NRG1: variants seen among roughly 807,000 people sequenced by gnomAD.
The protein encoded by NRG1 is neuregulin 1.
In NRG1, 18 loss-of-function variants were observed where a neutral mutation model predicts 63.8. That is an observed-to-expected ratio of 0.28 (90% confidence interval 0.19 to 0.42). NRG1 has a LOEUF of 0.42. Ranked by LOEUF, NRG1 falls within the 10% of genes least tolerant of loss-of-function variation. The pLI, the probability that NRG1 is intolerant of heterozygous loss-of-function variation, is 1.00. For missense variants in NRG1, 762 were observed against 814.7 expected (o/e 0.94, Z 0.79); for synonymous variants, 302 against 301.3 (o/e 1.00, Z -0.02).
At chr8:32,525,228 G>A (rs894413991) in intron 1 of NRG1, among the ~76,000 whole-genome samples, 7 of 152,244 alleles carry the variant, frequency 4.6e-5, no homozygotes, top group Non-Finnish European at 8.8e-5. Context: ...TGAAAAAGAC[G>A]CAAGCAATGC....
intron 1 of NRG1, among the ~76,000 whole-genome samples, chr8:31,939,470 A>T (rs1801422166): frequency 6.6e-6 from 1 of 152,088 alleles, no homozygotes; most frequent in Non-Finnish European, 1.5e-5. Context: ...TTAAAGCATA[A>T]ATCTCACAGT....
intron 1 of NRG1, among the ~76,000 whole-genome samples, chr8:31,984,419 T>A (rs559897984): frequency 3.3e-5 from 5 of 152,230 alleles, no homozygotes; most frequent in Admixed American, 6.6e-5. Context: ...AATTTCGAAA[T>A]GCTGGCAAGT....
chr8:32,138,525 C>T (rs1429460940), intron 1 of NRG1, among the ~76,000 whole-genome samples: 3 of 151,874 alleles, frequency 2.0e-5, no homozygotes, highest in Non-Finnish European at 4.4e-5. Context: ...TCAGAGCACA[C>T]GCAAGCTCCT....
chr8:32,031,355 A>T (rs895255558), intron 1 of NRG1, among the ~76,000 whole-genome samples: 1 of 152,176 alleles, frequency 6.6e-6, no homozygotes, highest in Non-Finnish European at 1.5e-5. Flanking sequence ...GGGATGATGC[A>T]GGCAGCTGCT....
At chr8:31,923,167 T>C (rs1834052783) in intron 1 of NRG1, among the ~76,000 whole-genome samples, 1 of 152,168 alleles carries the variant, frequency 6.6e-6, no homozygotes, top group Admixed American at 6.5e-5. Flanking sequence ...TAAAAAACAG[T>C]TTTTTTCTAT....
chr8:32,760,991 G>T (rs186418684), intron 11 of NRG1: 1 of 985,934 alleles, frequency 1.0e-6, no homozygotes, highest in Non-Finnish European at 1.2e-6. Context: ...TGGATGCTGC[G>T]TCTGGCAGTC....
At chr8:31,805,595 G>A (rs1050062451) in intron 1 of NRG1, among the ~76,000 whole-genome samples, 1 of 152,044 alleles carries the variant, frequency 6.6e-6, no homozygotes, top group Admixed American at 6.6e-5. Context: ...TTGGGAGGCC[G>A]AGGTGGGCAG....
chr8:31,849,101 G>A (rs534479603), intron 1 of NRG1, among the ~76,000 whole-genome samples: 1 of 152,318 alleles, frequency 6.6e-6, no homozygotes, highest in African/African-American at 2.4e-5. Context: ...GGATTGAAGA[G>A]AGGGAACCAG....
At chr8:32,539,112 G>C (rs1396361964) in intron 1 of NRG1, among the ~76,000 whole-genome samples, 2 of 152,176 alleles carry the variant, frequency 1.3e-5, no homozygotes, top group Non-Finnish European at 2.9e-5. Flanking sequence ...AGTGTGGCCA[G>C]GGTGCCCACA....
chr8:32,639,606 T>A (rs1851950238), intron 5 of NRG1, among the ~76,000 whole-genome samples: 1 of 152,228 alleles, frequency 6.6e-6, no homozygotes, highest in Non-Finnish European at 1.5e-5. Context: ...CCTTCACATG[T>A]GTATAATCTC....
intron 5 of NRG1, among the ~76,000 whole-genome samples, chr8:32,692,145 T>G (rs571705949): frequency 6.6e-6 from 1 of 152,252 alleles, no homozygotes; most frequent in African/African-American, 2.4e-5. Flanking sequence ...AGTGATTTTT[T>G]TGTGTGTGCT....
At chr8:31,764,989 G>T (rs1476425123) in intron 1 of NRG1, among the ~76,000 whole-genome samples, 1 of 148,004 alleles carries the variant, frequency 6.8e-6, no homozygotes, top group Non-Finnish European at 1.5e-5. Flanking sequence ...AATATGCGGT[G>T]TTTGATCTTC....
intron 1 of NRG1, among the ~76,000 whole-genome samples, chr8:32,320,917 A>T (rs1801308994): frequency 6.6e-6 from 1 of 152,194 alleles, no homozygotes; most frequent in African/African-American, 2.4e-5. Context: ...GATTGGTGAT[A>T]TATTGCTACA....
At position 31,874,361 on chromosome 8, in the gene NRG1, T is replaced by G. The variant is rs192297924; in HGVS notation, c.37+234930T>G. 3.1e-3 allele frequency among the ~76,000 whole-genome samples: 476 copies of G among 152,358 alleles called. 1 individual carries two copies. The highest frequency in any genetic ancestry group is 6.8e-3 in the Middle Eastern group (2 of 294). ...ATAAAGTTTTATATACATGTCTGGA[T>G]TTTTGAAAAATAAGAAGATTTGAGG... On this transcript the variant is annotated intron_variant, in intron 1 of 10. Coordinates refer to the NRG1 transcript ENST00000519301.
chr8:32,625,702 A>C (rs564053432), intron 5 of NRG1, among the ~76,000 whole-genome samples: 1 of 152,132 alleles, frequency 6.6e-6, no homozygotes, highest in Non-Finnish European at 1.5e-5. Flanking sequence ...TGAGTGGTGA[A>C]TGTAGGTGAA....
At chr8:32,692,918 C>T (rs762960654) in intron 5 of NRG1, among the ~76,000 whole-genome samples, 4 of 152,146 alleles carry the variant, frequency 2.6e-5, no homozygotes, top group Non-Finnish European at 4.4e-5. Flanking sequence ...TGTGCAGGTC[C>T]AGTTAGGTAG....
chr8:31,946,311 A>G (rs1802527074), intron 1 of NRG1, among the ~76,000 whole-genome samples: 1 of 152,192 alleles, frequency 6.6e-6, no homozygotes. Flanking sequence ...TGTACTATAG[A>G]TGATAGGAAG....
chr8:31,868,412 C>A (rs984519782), intron 1 of NRG1, among the ~76,000 whole-genome samples: 2 of 152,130 alleles, frequency 1.3e-5, no homozygotes, highest in African/African-American at 4.8e-5. Flanking sequence ...ATCAGTCATC[C>A]ATTTGATCAG....
intron 5 of NRG1, among the ~76,000 whole-genome samples, chr8:32,650,692 G>A (rs1007042961): frequency 1.4e-5 from 2 of 146,878 alleles, no homozygotes; most frequent in African/African-American, 2.5e-5. Flanking sequence ...GCTTACAAAG[G>A]GATTGTATTT....
Sources: gnomAD v4.1 joint callset for allele counts (sites outside exome capture counted in the v4.1 genomes callset) on GRCh38, gnomAD v4.1.1 for gene constraint, MANE v1.5 for transcripts, NCBI Gene and HGNC (gene_info 2026-07-23, HGNC 2026-07-21) for gene names.